Variants in WDR47 observed in about 807,000 individuals in gnomAD.
WDR47 encodes the protein WD repeat-containing protein 47.
Under a neutral mutation model 97.2 loss-of-function variants are expected in WDR47, and 32 were observed. The observed-to-expected ratio is 0.33, with a 90% CI of 0.25 to 0.44. WDR47 has a LOEUF of 0.44. WDR47 is among the 20% of genes least tolerant of loss of function. The probability of loss-of-function intolerance (pLI) is 1.00; values close to 1 mark genes in which losing one functional copy is unlikely to be tolerated. For missense variants in WDR47, 782 were observed against 1,102.3 expected (o/e 0.71, Z 4.11); for synonymous variants, 375 against 373.5 (o/e 1.00, Z -0.05).
chr1:108,974,635 G>T lies in WDR47; in HGVS notation c.2518C>A (p.Pro840Thr), dbSNP rs760632566. ...RGGRMVQSYH[P>T]HSSDVRSVRF... The stretch of plus-strand genomic sequence containing the variant: ...ACAGAGCGAACATCACTGGAATGAG[G>T]ATGATAACTTTGTACCATTCTTCCT... The change falls in exon 14 of 15, where the codon CCT (proline) becomes ACT (threonine). Residue 840 changes from proline (P) to threonine (T), a missense_variant. Coordinates refer to ENST00000369962, the MANE Select transcript of WDR47 (RefSeq NM_001142551.2). 69 of 1,614,046 alleles carry T rather than the reference G, an allele frequency of 4.3e-5. No homozygotes were observed. The highest frequency in any genetic ancestry group is 5.6e-5 in the Non-Finnish European group (66 of 1,180,026).
chr1:109,019,383 A>G, intron 2 of WDR47, among the ~76,000 whole-genome samples: 1 of 107,364 alleles, frequency 9.3e-6, no homozygotes, highest in South Asian at 2.7e-4. Context: ...ACTCTGTCTC[A>G]AAAAAAAAAA....
In WDR47 at chr1:108,974,747, T is replaced by C. The variant is rs150602693; in HGVS notation, c.2406A>G (p.Ala802=). The change falls in exon 14 of 15, where the codon GCA becomes GCG. Residue 802 remains alanine, a synonymous_variant. Coordinates refer to ENST00000369962, the MANE Select transcript of WDR47 (RefSeq NM_001142551.2). The part of the protein sequence containing the change: ...VGTTFHGTGS[A]VASVAVDPSG... ...TGGGATCTACAGCTACAGATGCCAC[T>C]GCACTGCCTGTAGTGGTAGGAATGA... 2,150 of 1,608,980 alleles carry C rather than the reference T, an allele frequency of 1.3e-3. 9 individuals are homozygous for C. The highest frequency in any genetic ancestry group is 2.8e-3 in the African/African-American group (212 of 74,954).
At chr1:108,983,222 T>A (rs927707481) in intron 11 of WDR47, 60 bp downstream of exon 11, 1 of 1,411,052 alleles carries the variant, frequency 7.1e-7, no homozygotes, top group Non-Finnish European at 9.4e-7. Flanking sequence ...AAATACAACA[T>A]GGAGAAAACA....
chr1:109,040,647 T>A (rs905856937), intron 1 of WDR47, among the ~76,000 whole-genome samples: 1 of 152,226 alleles, frequency 6.6e-6, no homozygotes, highest in Non-Finnish European at 1.5e-5. Flanking sequence ...TCTTTCCTAT[T>A]GGAAGCAATC....
rs1660998700 is a variant in WDR47, at chr1:109,010,978, G to C, written c.1068C>G (p.Leu356=). 1 of 1,614,124 alleles carries C rather than the reference G, an allele frequency of 6.2e-7. No homozygotes were observed. Among genetic ancestry groups the C allele is most frequent in the Non-Finnish European group, 8.5e-7 (1 of 1,180,032 alleles). ...TATTCTCAAGCATGAGACTTCTACT[G>C]AGGTTTTGTACCCCTGGATAATGGA... is the stretch of plus-strand genomic sequence containing the variant. ...ANFHYPGVQN[L]SRSLMLENTE... The change falls in exon 5 of 15, where the codon CTC becomes CTG. Residue 356 remains leucine, a synonymous_variant. Transcript: ENST00000369962.
chr1:109,010,862 A>C, intron 5 of WDR47, 54 bp downstream of exon 5: 1 of 1,537,916 alleles, frequency 6.5e-7, no homozygotes, highest in African/African-American at 1.4e-5. Flanking sequence ...GATTACAGGC[A>C]TAAGCCACTG....
intron 4 of WDR47, among the ~76,000 whole-genome samples, chr1:109,013,284 A>G (rs1661179359): frequency 6.6e-6 from 1 of 152,200 alleles, no homozygotes; most frequent in Non-Finnish European, 1.5e-5. Flanking sequence ...ATTTTGTTAT[A>G]GCAGGTCAAA....
chr1:108,999,627 C>T (rs944455833), intron 7 of WDR47, among the ~76,000 whole-genome samples: 1 of 150,916 alleles, frequency 6.6e-6, no homozygotes, highest in African/African-American at 2.4e-5. Flanking sequence ...TGAGCCATGA[C>T]CACACTACTG....
intron 13 of WDR47, among the ~76,000 whole-genome samples, chr1:108,980,153 G>A (rs1050992555): frequency 8.8e-5 from 13 of 148,324 alleles, no homozygotes; most frequent in African/African-American, 4.9e-5. Flanking sequence ...TGTCTTCCAC[G>A]AAACTGATTC....
At chr1:109,039,549 C>G (rs1048667341) in intron 1 of WDR47, among the ~76,000 whole-genome samples, 1 of 152,178 alleles carries the variant, frequency 6.6e-6, no homozygotes, top group South Asian at 2.1e-4. Flanking sequence ...CAAGCCACCA[C>G]GCCCAGCCGG....
At chr1:108,985,579 ATGTT>A (rs1348277728) in intron 10 of WDR47, among the ~76,000 whole-genome samples, 1 of 152,222 alleles carries the variant, frequency 6.6e-6, no homozygotes, top group East Asian at 1.9e-4. Context: ...GCCAATAAAC[ATGTT>A]TGTTTTACAC....
intron 13 of WDR47, 25 bp downstream of exon 13, chr1:108,981,708 A>G (rs1355541488): frequency 6.3e-7 from 1 of 1,599,046 alleles, no homozygotes; most frequent in African/African-American, 1.4e-5. Context: ...TTTTTCCCAT[A>G]TATATCATTT....
rs532247463 is a variant in WDR47 at position 108,995,682 on chromosome 1, C to G, written c.1589G>C (p.Arg530Thr). 1.2e-6 allele frequency: 2 copies of G among 1,614,090 alleles called. No homozygotes were observed. The highest frequency in any genetic ancestry group is 2.2e-5 in the South Asian group (2 of 91,084). ...AATATTTGAAGCATCATGTGTTAAT[C>G]TCTGACTAGAGTCTTGGGGTGGTGT... ...FTTPPQDSSQ[R>T]LTHDASNIHT... is the part of the protein sequence containing the mutation. The change falls in exon 8 of 15, where the codon AGA becomes ACA. Residue 530 changes from arginine (R) to threonine (T), a missense_variant. By Grantham distance (71) the Arg-to-Thr change is moderately conservative (BLOSUM62 -1). Transcript: ENST00000369962.
intron 7 of WDR47, among the ~76,000 whole-genome samples, chr1:109,001,659 G>T (rs1180741165): frequency 6.6e-6 from 1 of 152,178 alleles, no homozygotes; most frequent in East Asian, 1.9e-4. Context: ...GGAGGTCAAG[G>T]TGGACGGATC....
intron 9 of WDR47, among the ~76,000 whole-genome samples, chr1:108,990,813 T>C (rs961994033): frequency 2.6e-5 from 4 of 151,722 alleles, no homozygotes; most frequent in African/African-American, 9.7e-5. Context: ...AACCATAGGG[T>C]TCAGAGAATA....
intron 4 of WDR47, among the ~76,000 whole-genome samples, chr1:109,013,352 G>C (rs1051570254): frequency 6.6e-6 from 1 of 151,684 alleles, no homozygotes; most frequent in African/African-American, 2.4e-5. Context: ...AAGTTTTCTC[G>C]GTTTTAGTAT....
intron 13 of WDR47, among the ~76,000 whole-genome samples, chr1:108,977,542 C>G (rs947341498): frequency 6.6e-6 from 1 of 152,210 alleles, no homozygotes; most frequent in Non-Finnish European, 1.5e-5. Flanking sequence ...GTTTGTCTTA[C>G]TGTTTCTCTA....
chr1:108,977,405 CGGCCTCCCAAA>C (rs1430842088), intron 13 of WDR47, among the ~76,000 whole-genome samples: 2 of 152,086 alleles, frequency 1.3e-5, no homozygotes, highest in Non-Finnish European at 2.9e-5. Context: ...CCACCCACCT[CGGCCTCCCAAA>C]GTGCTGGAAT....
In WDR47 at chr1:108,971,427, G is replaced by T; in HGVS notation, c.*3C>A. On this transcript the variant is annotated 3_prime_UTR_variant, in exon 15 of 15. Coordinates refer to ENST00000369962, the MANE Select transcript of WDR47 (RefSeq NM_001142551.2). ...TGCTGCATAGACTGACATGCGGTGT[G>T]CTCTACCCATTGTAAGTCCAGAGGG... 1 of 1,614,128 alleles carries T rather than the reference G, an allele frequency of 6.2e-7. No homozygotes were observed. Among genetic ancestry groups the T allele is most frequent in the Non-Finnish European group, 8.5e-7 (1 of 1,179,998 alleles).
Sources: gnomAD v4.1 joint callset for allele counts (sites outside exome capture counted in the v4.1 genomes callset) on GRCh38, gnomAD v4.1.1 for gene constraint, MANE v1.5 for transcripts, NCBI Gene and HGNC (gene_info 2026-07-23, HGNC 2026-07-21) for gene names.